Variants in SCAF4 observed in about 807,000 individuals in gnomAD.
SCAF4 encodes SR-related CTD associated factor 4.
In SCAF4, 25 loss-of-function variants were observed where a neutral mutation model predicts 129.8. The observed-to-expected ratio is 0.19, with a 90% CI of 0.14 to 0.27. The LOEUF (loss-of-function observed/expected upper bound fraction) is 0.27. SCAF4 is among the 10% of genes least tolerant of loss of function. SCAF4 has a pLI of 1.00. For synonymous variants in SCAF4, 551 were observed against 497.7 expected (o/e 1.11, Z -1.43); for missense variants, 1,246 against 1,457.1 (o/e 0.86, Z 2.36).
At chr21:31,705,343 CA>C in intron 3 of SCAF4, 79 bp downstream of exon 3, 1 of 665,538 alleles carries the variant, frequency 1.5e-6, no homozygotes, top group Non-Finnish European at 2.5e-6. Flanking sequence ...GGTTTAGAAA[CA>C]AGCATTGAGA....
At chr21:31,726,867 C>G (rs1414880724) in intron 1 of SCAF4, among the ~76,000 whole-genome samples, 2 of 152,144 alleles carry the variant, frequency 1.3e-5, no homozygotes, top group Non-Finnish European at 2.9e-5. Context: ...GCTGGTGCCA[C>G]TACACTCCAG....
Position 31,685,082 on chromosome 21 carries a change from T to C in SCAF4, c.2455A>G (p.Thr819Ala). ...GAAACAGGCTGGGTTACAGGAGGGGTGGGCAGATTCGTGGGTGCAGCAGGT... is the reference window on the plus strand; with the variant it reads ...GAAACAGGCTGGGTTACAGGAGGGGCGGGCAGATTCGTGGGTGCAGCAGGT... ...VPPAAPTNLP[T>A]PPVTQPVSLL... The change falls in exon 19 of 20, where the codon ACC becomes GCC. Residue 819 changes from threonine to alanine, a missense_variant. Transcript: ENST00000286835. 1.9e-6 allele frequency: 3 copies of C among 1,610,636 alleles called. No homozygotes were observed. The South Asian group carries it at 3.3e-5, about 18-fold the overall frequency.
intron 15 of SCAF4, among the ~76,000 whole-genome samples, chr21:31,688,922 A>G (rs998505449): frequency 4.6e-5 from 7 of 152,364 alleles, no homozygotes; most frequent in Non-Finnish European, 7.3e-5. Context: ...TTTCACTAAT[A>G]TTAAAGAATA....
At chr21:31,715,865 T>C (rs1351539569) in intron 1 of SCAF4, among the ~76,000 whole-genome samples, 1 of 152,214 alleles carries the variant, frequency 6.6e-6, no homozygotes, top group Non-Finnish European at 1.5e-5. Context: ...TGCAATCATA[T>C]ACAATACCTT....
Position 31,694,834 on chromosome 21 carries a change from A to C in SCAF4, c.1215T>G (p.Leu405=). Residue 405 remains leucine (L), a synonymous_variant, in exon 10 of 20, where the codon CTT becomes CTG. Coordinates refer to ENST00000286835, the MANE Select transcript of SCAF4 (RefSeq NM_020706.2). ...QASFQAQNEP[L]TQKPHQQEME... is the part of the protein sequence containing the mutation. ...TTACCTGCTGATGCGGCTTCTGTGTAAGTGGTTCATTTTGTGCCTGAAAAG... is the reference window on the plus strand; with the variant it reads ...TTACCTGCTGATGCGGCTTCTGTGTCAGTGGTTCATTTTGTGCCTGAAAAG... 2 of 1,614,168 alleles carry C rather than the reference A, an allele frequency of 1.2e-6. No homozygotes were observed. The highest frequency in any genetic ancestry group is 1.7e-6 in the Non-Finnish European group (2 of 1,179,998).
At chr21:31,686,866 T>A (rs1263461919) in intron 16 of SCAF4, among the ~76,000 whole-genome samples, 3 of 152,176 alleles carry the variant, frequency 2.0e-5, no homozygotes, top group Non-Finnish European at 4.4e-5. Flanking sequence ...CCTGAAACCA[T>A]CTTCCACTCC....
intron 19 of SCAF4, among the ~76,000 whole-genome samples, chr21:31,683,221 T>C (rs568323945): frequency 5.3e-5 from 8 of 152,290 alleles, no homozygotes; most frequent in Middle Eastern, 3.4e-3. Context: ...TGGGTCCATC[T>C]AGTGGGAGGA....
At position 31,731,789 on chromosome 21, in the gene SCAF4, G is replaced by T; in HGVS notation, c.-97C>A. On this transcript the variant is annotated 5_prime_UTR_variant, in exon 1 of 20. Coordinates refer to ENST00000286835, the MANE Select transcript of SCAF4 (RefSeq NM_020706.2). ...GGGAAACCAGCCGGGCCTGGTGGCC[G>T]GGGGGAGGCGACGAGCGGCGGAGTC... The T allele has an allele frequency of 1.5e-6, 2 of 1,348,824 alleles. No homozygotes were observed. The highest frequency in any genetic ancestry group is 1.9e-6 in the Non-Finnish European group (2 of 1,026,172). 83.6% of individuals were successfully genotyped at this position (1,348,824 alleles called of 1,614,324 possible).
At chr21:31,682,951 T>G (rs970485700) in intron 19 of SCAF4, among the ~76,000 whole-genome samples, 1 of 152,240 alleles carries the variant, frequency 6.6e-6, no homozygotes, top group Non-Finnish European at 1.5e-5. Context: ...TCCTGTGATA[T>G]TCTTTTCAAG....
intron 4 of SCAF4, among the ~76,000 whole-genome samples, chr21:31,703,154 A>T (rs1010143744): frequency 6.6e-6 from 1 of 151,632 alleles, no homozygotes; most frequent in Non-Finnish European, 1.5e-5. Flanking sequence ...TATGTTGGGG[A>T]AGAACATCTA....
At position 31,731,834 on chromosome 21, in the gene SCAF4, G is replaced by A; in HGVS notation, c.-142C>T. Reference sequence around the variant, plus strand: ...GGAGTCCGAGGCCCGGGCAGGAAGAGGCTGCGCCCGAAGCGGCGAGGCGGG... The same window carrying A: ...GGAGTCCGAGGCCCGGGCAGGAAGAAGCTGCGCCCGAAGCGGCGAGGCGGG... On this transcript the variant is annotated 5_prime_UTR_variant, in exon 1 of 20. Transcript: ENST00000286835. 1.0e-6 allele frequency: 1 copy of A among 961,608 alleles called. No homozygotes were observed. The highest frequency in any genetic ancestry group is 2.2e-5 in the South Asian group (1 of 45,350). The allele number at this position is 961,608 out of a possible 1,614,324, so 59.6% of individuals were successfully genotyped here.
intron 1 of SCAF4, among the ~76,000 whole-genome samples, chr21:31,730,957 G>A (rs1422371831): frequency 6.6e-6 from 1 of 152,214 alleles, no homozygotes; most frequent in African/African-American, 2.4e-5. Flanking sequence ...GACTAAGGCG[G>A]AGCGAATACT....
chr21:31,693,220 AAC>A (rs1268589873), intron 12 of SCAF4, 72 bp downstream of exon 12: 12 of 1,066,220 alleles, frequency 1.1e-5, no homozygotes, highest in Non-Finnish European at 1.4e-5. Flanking sequence ...TAGTTTTGCT[AAC>A]AGTTATAAAA....
chr21:31,718,622 G>T (rs1216686823), intron 1 of SCAF4, among the ~76,000 whole-genome samples: 2 of 152,144 alleles, frequency 1.3e-5, no homozygotes, highest in African/African-American at 2.4e-5. Context: ...AACAAATAGG[G>T]GAAAGATGCT....
At chr21:31,717,904 T>TACACACACACACAC (rs35191665) in intron 1 of SCAF4, among the ~76,000 whole-genome samples, 4 of 117,992 alleles carry the variant, frequency 3.4e-5, no homozygotes, top group East Asian at 3.0e-4. Flanking sequence ...TACACATATA[T>TACACACACACACAC]ACACACACAC....
Position 31,671,119 on chromosome 21 carries a change from AAAAAAAT to A in SCAF4, c.*273_*279del. ...ACCTTGTCTTAAATTAAAAAAAAAA[AAAAAAAT>A]AGAGAGCACTTCTAATTACGATTTG... On this transcript the variant is annotated 3_prime_UTR_variant, in exon 20 of 20. Coordinates refer to ENST00000286835, the MANE Select transcript of SCAF4 (RefSeq NM_020706.2). 3.4e-6 allele frequency: 1 copy of A among 292,186 alleles called. No individual in the cohort carries two copies. Among genetic ancestry groups the A allele is most frequent in the Non-Finnish European group, 6.2e-6 (1 of 160,234 alleles). 18.1% of individuals were successfully genotyped at this position (292,186 alleles called of 1,614,324 possible).
chr21:31,672,041 A>C lies in SCAF4; in HGVS notation c.2802T>G (p.Pro934=). The change falls in exon 20 of 20, where the codon CCT becomes CCG. Residue 934 remains proline, a synonymous_variant. Transcript: ENST00000286835. ...LGGPGPGPGG[P]EDRDGRQQPP... Reference sequence around the variant, plus strand: ...GCTGTTGCCTTCCGTCTCTGTCTTCAGGACCCCCTGGGCCTGGCCCTGGGC... The same window carrying C: ...GCTGTTGCCTTCCGTCTCTGTCTTCCGGACCCCCTGGGCCTGGCCCTGGGC... 1.9e-6 allele frequency: 3 copies of C among 1,613,362 alleles called. No homozygotes were observed. Among genetic ancestry groups the C allele is most frequent in the Non-Finnish European group, 2.5e-6 (3 of 1,179,692 alleles).
intron 1 of SCAF4, among the ~76,000 whole-genome samples, chr21:31,709,082 A>G (rs1427913618): frequency 6.6e-6 from 1 of 152,204 alleles, no homozygotes; most frequent in Admixed American, 6.5e-5. Flanking sequence ...TGGAGAAGCT[A>G]GGTAAGAAAG....
At chr21:31,706,884 T>TTATC (rs1327843948) in intron 1 of SCAF4, 10 of 304,150 alleles carry the variant, frequency 3.3e-5, no homozygotes, top group Middle Eastern at 4.4e-4. Flanking sequence ...ATACCATGTC[T>TTATC]TATCAGTGGT....
Sources: gnomAD v4.1 joint callset for allele counts (sites outside exome capture counted in the v4.1 genomes callset) on GRCh38, gnomAD v4.1.1 for gene constraint, MANE v1.5 for transcripts, NCBI Gene and HGNC (gene_info 2026-07-23, HGNC 2026-07-21) for gene names.